ZNF565: variants seen among roughly 807,000 people sequenced by gnomAD.
The protein encoded by ZNF565 is zinc finger protein 565.
Under a neutral mutation model 39.4 loss-of-function variants are expected in ZNF565, and 27 were observed. The ratio of observed to expected loss-of-function variants is 0.69; its 90% CI spans 0.51 to 0.95. The LOEUF is 0.95. ZNF565 is among the 40% of genes least tolerant of loss of function. The probability of loss-of-function intolerance (pLI) is 0.00; values close to 1 mark genes in which losing one functional copy is unlikely to be tolerated. For missense variants in ZNF565, 524 were observed against 621.1 expected (o/e 0.84, Z 1.66); for synonymous variants, 185 against 216.6 (o/e 0.85, Z 1.28).
chr19:36,206,587 T>A (rs1442980169), intron 1 of ZNF565, among the ~76,000 whole-genome samples: 1 of 152,136 alleles, frequency 6.6e-6, no homozygotes, highest in Non-Finnish European at 1.5e-5. Context: ...TCCCAGCACT[T>A]TGGGAGGGCG....
chr19:36,213,211 C>G (rs1362144984), intron 1 of ZNF565: 1 of 152,260 alleles, frequency 6.6e-6, no homozygotes, highest in African/African-American at 2.4e-5. Context: ...AACCACACAT[C>G]CACTCTTTTA....
chr19:36,244,240 T>C (rs1327427961), intron 1 of ZNF565, among the ~76,000 whole-genome samples: 1 of 152,138 alleles, frequency 6.6e-6, no homozygotes, highest in African/African-American at 2.4e-5. Flanking sequence ...AACGTGCCTG[T>C]TGGGGGCGCT....
At chr19:36,228,019 G>A (rs929395835) in intron 1 of ZNF565, among the ~76,000 whole-genome samples, 6 of 152,036 alleles carry the variant, frequency 3.9e-5, no homozygotes, top group African/African-American at 7.2e-5. Context: ...AATTAGCCAG[G>A]TGTGGTGGTA....
chr19:36,218,188 G>GA (rs908606350), upstream of ZNF565: 2 of 149,554 alleles, frequency 1.3e-5, no homozygotes, highest in Admixed American at 6.7e-5. Flanking sequence ...TTACCTTGGG[G>GA]ACCTCAGGTA....
intron 4 of ZNF565, 52 bp downstream of exon 4, chr19:36,194,176 CTCCTG>C: frequency 6.9e-7 from 1 of 1,443,144 alleles, no homozygotes; most frequent in Non-Finnish European, 9.5e-7. Context: ...ACTCAAGTTA[CTCCTG>C]TCAGTCGACT....
intron 1 of ZNF565, among the ~76,000 whole-genome samples, chr19:36,226,366 T>G (rs552022898): frequency 6.6e-6 from 1 of 152,306 alleles, no homozygotes; most frequent in East Asian, 1.9e-4. Context: ...AGGAATTGGG[T>G]GATCAAGCTT....
chr19:36,236,595 C>T (rs1361411365), intron 1 of ZNF565: 1 of 1,613,998 alleles, frequency 6.2e-7, no homozygotes, highest in Non-Finnish European at 8.5e-7. Context: ...TGTGGAAAAG[C>T]CTTTAGCCAA....
At chr19:36,210,796 A>G (rs1409940634) in intron 1 of ZNF565, among the ~76,000 whole-genome samples, 1 of 151,994 alleles carries the variant, frequency 6.6e-6, no homozygotes, top group Non-Finnish European at 1.5e-5. Context: ...GGCTGAAAAA[A>G]AATCATTTTC....
At chr19:36,224,378 A>G (rs1976986720) in intron 1 of ZNF565, among the ~76,000 whole-genome samples, 1 of 152,186 alleles carries the variant, frequency 6.6e-6, no homozygotes, top group Admixed American at 6.5e-5. Flanking sequence ...GCCAAACTCC[A>G]TCTCACACAC....
intron 1 of ZNF565, among the ~76,000 whole-genome samples, chr19:36,240,443 AC>A (rs1977778292): frequency 6.6e-6 from 1 of 152,150 alleles, no homozygotes; most frequent in African/African-American, 2.4e-5. Flanking sequence ...GAGGAAAAAC[AC>A]AGGGATGGAG....
intron 1 of ZNF565, chr19:36,228,903 GTAGACATA>G (rs1252747429): frequency 6.6e-6 from 1 of 152,238 alleles, no homozygotes. Context: ...CTTCCAGGCT[GTAGACATA>G]TAGAGTATTG....
Position 36,245,658 on chromosome 19 carries a change from G to A in ZNF565, c.-128C>T, listed in dbSNP as rs564705166. 50 of 681,522 alleles carry A rather than the reference G, an allele frequency of 7.3e-5. No individual in the cohort carries two copies. Among genetic ancestry groups the A allele is most frequent in the South Asian group, 6.3e-4 (40 of 63,798 alleles). The allele number at this position is 681,522 out of a possible 1,614,324, so 42.2% of individuals were successfully genotyped here. The stretch of plus-strand genomic sequence containing the variant: ...AATTGGTGCTTTGGCAGAGTCTCTG[G>A]TGCCCGGGTGAATGGGTTCAGGGTC... On this transcript the variant is annotated 5_prime_UTR_variant, in exon 1 of 5. Transcript: ENST00000355114. This position sits in a 1 kb window ranked among gnomAD's most constrained non-coding sequence, Gnocchi z 4.4.
chr19:36,196,660 G>C (rs1192064554), intron 2 of ZNF565, among the ~76,000 whole-genome samples: 1 of 152,116 alleles, frequency 6.6e-6, no homozygotes, highest in African/African-American at 2.4e-5. Context: ...ACCTGGGCCT[G>C]GCAAATCTAA....
At chr19:36,242,305 G>A (rs2145480179) in intron 1 of ZNF565, among the ~76,000 whole-genome samples, 1 of 152,122 alleles carries the variant, frequency 6.6e-6, no homozygotes, top group South Asian at 2.1e-4. Flanking sequence ...AGCTACTTGG[G>A]AGGCTGAGAC....
At chr19:36,225,048 T>A (rs1977009888) in intron 1 of ZNF565, among the ~76,000 whole-genome samples, 1 of 152,232 alleles carries the variant, frequency 6.6e-6, no homozygotes, top group Admixed American at 6.5e-5. Context: ...CTAATAGAAA[T>A]GCCTTCAGTG....
chr19:36,244,721 T>C (rs148973228), intron 1 of ZNF565, among the ~76,000 whole-genome samples: 2,738 of 150,976 alleles, frequency 0.018, 94 homozygotes, highest in African/African-American at 0.058. Flanking sequence ...TGTGGTGGCA[T>C]GCGCCTGTAA....
chr19:36,222,778 C>CTTTT (rs55668684), intron 1 of ZNF565, among the ~76,000 whole-genome samples: 1 of 100,884 alleles, frequency 9.9e-6, no homozygotes, highest in Non-Finnish European at 2.0e-5. Context: ...TGAGTGGTGG[C>CTTTT]TTTTTTTTTT....
At chr19:36,242,457 G>A (rs957572598) in intron 1 of ZNF565, among the ~76,000 whole-genome samples, 5 of 151,330 alleles carry the variant, frequency 3.3e-5, no homozygotes, top group African/African-American at 1.2e-4. Context: ...TTCTGGGCAC[G>A]GTGGCTCACA....
At chr19:36,202,921 C>T (rs1009144092) in intron 1 of ZNF565, among the ~76,000 whole-genome samples, 1 of 152,166 alleles carries the variant, frequency 6.6e-6, no homozygotes, top group African/African-American at 2.4e-5. Flanking sequence ...ATACAGGCAT[C>T]TTGCTTGCAT....
Sources: allele counts gnomAD v4.1 joint callset (sites outside exome capture counted in the v4.1 genomes callset), GRCh38; gene constraint gnomAD v4.1.1; non-coding constraint Gnocchi (gnomAD v3.1); transcripts MANE v1.5; gene names NCBI Gene and HGNC (gene_info 2026-07-23, HGNC 2026-07-21).